Variants in ERP44 observed in about 807,000 individuals in gnomAD.
ERP44 encodes the protein endoplasmic reticulum resident protein 44.
A neutral mutation model predicts 53.4 loss-of-function variants in ERP44; 25 were observed. The ratio of observed to expected loss-of-function variants is 0.47; its 90% CI spans 0.34 to 0.65. The LOEUF is 0.65. Ranked by LOEUF, ERP44 falls within the 30% of genes least tolerant of loss-of-function variation. The pLI is 0.01. For synonymous variants in ERP44, 145 were observed against 161.2 expected, an observed-to-expected ratio of 0.90 and a Z score of 0.76; for missense variants, 338 against 493.2, an observed-to-expected ratio of 0.69 and a Z score of 2.98.
chr9:100,098,678 G>T, intron 1 of ERP44, 106 bp downstream of exon 1: 2 of 980,320 alleles, frequency 2.0e-6, no homozygotes, highest in Non-Finnish European at 3.2e-6. Context: ...CCAAAACACT[G>T]CAGGAAAAGA....
At chr9:100,030,073 C>A (rs562474751) in intron 4 of ERP44, among the ~76,000 whole-genome samples, 9 of 152,052 alleles carry the variant, frequency 5.9e-5, no homozygotes, top group Non-Finnish European at 1.3e-4. Flanking sequence ...GGCAACAGAG[C>A]GAGACTCAGT....
chr9:100,097,398 G>A (rs561623558), intron 1 of ERP44, among the ~76,000 whole-genome samples: 1 of 151,788 alleles, frequency 6.6e-6, no homozygotes, highest in African/African-American at 2.4e-5. Context: ...CATAACTCAA[G>A]CCATTTTGTG....
intron 1 of ERP44, among the ~76,000 whole-genome samples, chr9:100,071,878 G>A (rs935745296): frequency 1.3e-5 from 2 of 152,068 alleles, no homozygotes; most frequent in South Asian, 2.1e-4. Context: ...CTGAGATCAC[G>A]CCATTGCACT....
chr9:100,017,666 A>G (rs1441220851), intron 7 of ERP44, among the ~76,000 whole-genome samples: 1 of 152,210 alleles, frequency 6.6e-6, no homozygotes, highest in South Asian at 2.1e-4. Flanking sequence ...CATAAATTTC[A>G]ATTTTTTTTG....
At position 100,016,423 on chromosome 9, in the gene ERP44, T is replaced by C; in HGVS notation, c.661A>G (p.Met221Val). ...YKPPGHSAPD[M>V]VYLGAMTNFD... ...TTTGTCATAGCTCCCAAGTACACCATATCCGGAGCAGAATGCTATTACAAA... is the reference window on the plus strand; with the variant it reads ...TTTGTCATAGCTCCCAAGTACACCACATCCGGAGCAGAATGCTATTACAAA... The change falls in exon 8 of 12, where the codon ATG (methionine) becomes GTG (valine). Residue 221 changes from methionine (M) to valine (V), a missense_variant. Around this residue, in one of 3 missense-constraint regions of ERP44, gnomAD observed 224 missense variants for 301.4 expected, o/e 0.74. Transcript: ENST00000262455. The C allele has an allele frequency of 1.2e-6, 2 of 1,607,390 alleles. No homozygotes were observed. The highest frequency in any genetic ancestry group is 1.7e-6 in the Non-Finnish European group (2 of 1,178,044).
intron 1 of ERP44, among the ~76,000 whole-genome samples, chr9:100,062,268 A>AT: frequency 6.6e-6 from 1 of 152,346 alleles, no homozygotes; most frequent in South Asian, 2.1e-4. Flanking sequence ...TATTAAATAA[A>AT]TTTGTATGCT....
At chr9:99,982,814 T>C (rs1830161850) in intron 11 of ERP44, 101 bp from the exon 12 acceptor site, 7 of 560,466 alleles carry the variant, frequency 1.2e-5, no homozygotes, top group East Asian at 3.4e-5. Context: ...CTATAATTAT[T>C]TGCTTATTAA....
intron 1 of ERP44, among the ~76,000 whole-genome samples, chr9:100,074,244 G>A (rs1357816256): frequency 3.3e-5 from 5 of 152,112 alleles, no homozygotes; most frequent in African/African-American, 9.7e-5. Flanking sequence ...GTACTAGTCC[G>A]CAGTTTCATC....
intron 2 of ERP44, among the ~76,000 whole-genome samples, chr9:100,059,275 C>T (rs543284478): frequency 7.9e-5 from 12 of 152,288 alleles, no homozygotes; most frequent in South Asian, 6.2e-4. Flanking sequence ...TCCTAAGTTA[C>T]GATTTTCTAT....
chr9:100,048,515 A>G (rs1826001497), intron 4 of ERP44, among the ~76,000 whole-genome samples: 1 of 152,146 alleles, frequency 6.6e-6, no homozygotes, highest in South Asian at 2.1e-4. Flanking sequence ...ACTCCTGGAT[A>G]TATATTAAAA....
chr9:99,992,849 C>T (rs1830269938), intron 10 of ERP44, among the ~76,000 whole-genome samples: 1 of 152,184 alleles, frequency 6.6e-6, no homozygotes, highest in Non-Finnish European at 1.5e-5. Context: ...GTGCAAAAAT[C>T]ACAAGCATTC....
At chr9:100,075,153 C>G (rs1826342533) in intron 1 of ERP44, among the ~76,000 whole-genome samples, 1 of 152,204 alleles carries the variant, frequency 6.6e-6, no homozygotes, top group Admixed American at 6.5e-5. Context: ...CATCCCCATT[C>G]TACTCTCCTA....
At chr9:100,046,400 T>C (rs1000540220) in intron 4 of ERP44, among the ~76,000 whole-genome samples, 2 of 152,142 alleles carry the variant, frequency 1.3e-5, no homozygotes, top group Non-Finnish European at 2.9e-5. Context: ...ATATAAGATG[T>C]TGATGTTAGG....
chr9:99,989,504 C>T (rs956381025), intron 10 of ERP44, among the ~76,000 whole-genome samples: 5 of 152,128 alleles, frequency 3.3e-5, no homozygotes, highest in African/African-American at 1.2e-4. Context: ...CCAACATCAA[C>T]AAAAAGGACA....
intron 4 of ERP44, among the ~76,000 whole-genome samples, chr9:100,047,283 C>G (rs1202214022): frequency 1.3e-5 from 2 of 152,196 alleles, no homozygotes; most frequent in Non-Finnish European, 2.9e-5. Flanking sequence ...CTTCAAAAGA[C>G]ACTCAAGTTG....
At chr9:100,075,304 C>T (rs570698115) in intron 1 of ERP44, among the ~76,000 whole-genome samples, 12 of 152,336 alleles carry the variant, frequency 7.9e-5, no homozygotes, top group South Asian at 6.2e-4. Flanking sequence ...TCCCGGTACC[C>T]GGTATGCAGC....
Position 100,041,653 on chromosome 9 carries a change from C to G in ERP44, c.286+10764G>C, listed in dbSNP as rs1271313815. Among the ~76,000 whole-genome samples, 3 of 152,010 alleles carry G rather than the reference C, an allele frequency of 2.0e-5. No homozygotes were observed. In the South Asian group the frequency reaches 6.2e-4, roughly 32 times the overall value. On this transcript the variant is annotated intron_variant, in intron 4 of 11. Transcript: ENST00000262455. ...ACTGCACTCCAGCCCCGCGACAGAG[C>G]AAGATTCCGACTCAAAACAACAACA...
chr9:100,044,014 CAT>C (rs572824482), intron 4 of ERP44, among the ~76,000 whole-genome samples: 147 of 152,194 alleles, frequency 9.7e-4, no homozygotes, highest in African/African-American at 3.4e-3. Flanking sequence ...ATGTTTATCA[CAT>C]ATGAATTAAA....
intron 4 of ERP44, among the ~76,000 whole-genome samples, chr9:100,031,325 T>C (rs1825785548): frequency 6.6e-6 from 1 of 152,340 alleles, no homozygotes; most frequent in Non-Finnish European, 1.5e-5. Context: ...ATGTCATAGT[T>C]TGCTCAAAAA....
Sources: allele counts gnomAD v4.1 joint callset (sites outside exome capture counted in the v4.1 genomes callset), GRCh38; gene constraint gnomAD v4.1.1; regional missense constraint gnomAD v4.1.1; transcripts MANE v1.5; gene names NCBI Gene and HGNC (gene_info 2026-07-23, HGNC 2026-07-21).